The following MAP2K5 variants were observed in gnomAD, a reference collection of about 807,000 sequenced individuals.
The protein encoded by MAP2K5 is dual specificity mitogen-activated protein kinase kinase 5.
In MAP2K5, 49 loss-of-function variants were observed where a neutral mutation model predicts 83.1. The ratio of observed to expected loss-of-function variants is 0.59; its 90% CI spans 0.47 to 0.75. MAP2K5 has a LOEUF of 0.75. Ranked by LOEUF, MAP2K5 falls within the 30% of genes least tolerant of loss-of-function variation. MAP2K5 has a pLI of 0.00. For missense variants in MAP2K5, 457 were observed against 557.5 expected (o/e 0.82, Z 1.82); for synonymous variants, 202 against 191.8 (o/e 1.05, Z -0.44).
intron 19 of MAP2K5, among the ~76,000 whole-genome samples, chr15:67,752,279 C>T (rs552196867): frequency 6.6e-6 from 1 of 151,664 alleles, no homozygotes; most frequent in South Asian, 2.1e-4. Flanking sequence ...GTTGGCCAGG[C>T]TGTTCTCGAA....
At chr15:67,549,012 T>C in intron 1 of MAP2K5, 1 of 1,424,324 alleles carries the variant, frequency 7.0e-7, no homozygotes, top group Non-Finnish European at 9.1e-7. Context: ...TTGCAGCCAC[T>C]CTGCTAAGTG....
intron 13 of MAP2K5, among the ~76,000 whole-genome samples, chr15:67,673,348 G>C (rs1324721608): frequency 2.0e-5 from 3 of 152,104 alleles, no homozygotes; most frequent in Non-Finnish European, 2.9e-5. Context: ...GTTCAAAATA[G>C]TGTAGGCAGG....
chr15:67,795,806 G>A (rs2090595143), intron 21 of MAP2K5, among the ~76,000 whole-genome samples: 1 of 152,174 alleles, frequency 6.6e-6, no homozygotes, highest in Admixed American at 6.5e-5. Context: ...TTCTAAGAGA[G>A]GTATGCTAAA....
Position 67,600,691 on chromosome 15 carries a change from G to T in MAP2K5, c.487G>T (p.Glu163Ter). Residue 163 changes from glutamate to a stop codon, truncating the protein, a stop_gained, in exon 8 of 22, where the codon GAA becomes TAA. Transcript: ENST00000178640. LOFTEE classifies it high-confidence loss of function. ...KKILANGQMN[E>*]QDIRYRDTLG... is the part of the protein sequence containing the mutation. ...TTCTTTCTTTCTTGTGGAGATGAAT[G>T]AACAAGACATACGATATCGGGACAC... 6.2e-7 allele frequency: 1 copy of T among 1,608,108 alleles called. No homozygotes were observed. The highest frequency in any genetic ancestry group is 1.1e-5 in the South Asian group (1 of 90,360).
At position 67,748,282 on chromosome 15, in the gene MAP2K5, A is replaced by G. The variant is rs375946827; in HGVS notation, c.1101+25A>G. The G allele has an allele frequency of 2.4e-5, 38 of 1,589,852 alleles. No individual in the cohort carries two copies. The highest frequency in any genetic ancestry group is 3.4e-5 in the Admixed American group (2 of 59,456). ...GGTAAGCTTTATGAGTTCAGAAAAA[A>G]ATTCACTTTTCTTTTTCCTGATGGC... On this transcript the variant is annotated intron_variant, in intron 18 of 21. Coordinates refer to ENST00000178640, the MANE Select transcript of MAP2K5 (RefSeq NM_145160.3). The surrounding 1 kb of genome is among the most constrained non-coding windows in gnomAD (Gnocchi z 4.0).
chr15:67,569,752 G>T (rs1014396070), intron 3 of MAP2K5, among the ~76,000 whole-genome samples: 1 of 152,146 alleles, frequency 6.6e-6, no homozygotes, highest in Admixed American at 6.5e-5. Context: ...TGGCACCAGG[G>T]CACTCTGGGG....
intron 1 of MAP2K5, among the ~76,000 whole-genome samples, chr15:67,548,435 T>C (rs737226): frequency 0.43 from 65,583 of 152,184 alleles, 15,003 homozygotes; most frequent in Non-Finnish European, 0.51. Context: ...CTTTGTAATA[T>C]TCCAGTTATT....
At chr15:67,685,151 C>T (rs2087923062) in intron 13 of MAP2K5, among the ~76,000 whole-genome samples, 1 of 152,066 alleles carries the variant, frequency 6.6e-6, no homozygotes, top group African/African-American at 2.4e-5. Flanking sequence ...CAAAGCACAT[C>T]AAAATAAAAA....
At chr15:67,574,526 C>T (rs1222090957) in intron 3 of MAP2K5, among the ~76,000 whole-genome samples, 5 of 150,302 alleles carry the variant, frequency 3.3e-5, no homozygotes, top group African/African-American at 9.8e-5. Flanking sequence ...GAGCCAGGAT[C>T]GCACCATTGC....
Position 67,543,356 on chromosome 15 carries a change from C to T in MAP2K5, c.21C>T (p.Gly7=). 4 of 1,614,236 alleles carry T rather than the reference C, an allele frequency of 2.5e-6. No homozygotes were observed. Among genetic ancestry groups the T allele is most frequent in the Non-Finnish European group, 3.4e-6 (4 of 1,180,046 alleles). MLWLAL[G]PFPAMENQVL... is the part of the protein sequence containing the mutation. ...CTGTAATGCTGTGGCTAGCCCTTGG[C>T]CCCTTTCCTGCCATGGAGAACCAGG... Residue 7 remains glycine, a synonymous_variant, in exon 1 of 22, where the codon GGC becomes GGT. Transcript: ENST00000178640. This position sits in a 1 kb window ranked among gnomAD's most constrained non-coding sequence, Gnocchi z 4.3.
At chr15:67,787,142 C>A (rs952749076) in intron 21 of MAP2K5, among the ~76,000 whole-genome samples, 3 of 152,184 alleles carry the variant, frequency 2.0e-5, no homozygotes, top group African/African-American at 7.2e-5. Flanking sequence ...GCAGGCAGGG[C>A]GGACAACAGG....
intron 16 of MAP2K5, among the ~76,000 whole-genome samples, chr15:67,705,396 A>C (rs1051262562): frequency 1.3e-5 from 2 of 152,128 alleles, no homozygotes; most frequent in East Asian, 3.9e-4. Flanking sequence ...AGGGATAACT[A>C]AATATGTAAT....
chr15:67,598,678 C>T (rs571823331), intron 7 of MAP2K5, among the ~76,000 whole-genome samples: 34 of 152,190 alleles, frequency 2.2e-4, no homozygotes, highest in African/African-American at 7.7e-4. Context: ...AGAATTATAC[C>T]ATTTGAACAT....
intron 8 of MAP2K5, among the ~76,000 whole-genome samples, chr15:67,623,460 T>A (rs923381787): frequency 6.6e-6 from 1 of 152,192 alleles, no homozygotes; most frequent in Non-Finnish European, 1.5e-5. Context: ...GCCAGTTCTT[T>A]GTTGTTAAAG....
intron 21 of MAP2K5, among the ~76,000 whole-genome samples, chr15:67,805,464 G>A (rs2090784551): frequency 6.6e-6 from 1 of 152,248 alleles, no homozygotes; most frequent in African/African-American, 2.4e-5. Flanking sequence ...CTCGTGGCGA[G>A]GCCATGCGGC....
At chr15:67,641,418 C>G in intron 9 of MAP2K5, 8 of 842,964 alleles carry the variant, frequency 9.5e-6, no homozygotes, top group Non-Finnish European at 1.2e-5. Context: ...TTAATTTGAC[C>G]TGTGATTTTG....
At position 67,781,233 on chromosome 15, in the gene MAP2K5, A is replaced by C. The variant is rs375191942; in HGVS notation, c.1242+8481A>C. Among the ~76,000 whole-genome samples the C allele has an allele frequency of 6.6e-6, 1 of 152,352 alleles. No homozygotes were observed. The highest frequency in any genetic ancestry group is 2.4e-5 in the African/African-American group (1 of 41,582). On this transcript the variant is annotated intron_variant, in intron 21 of 21. Coordinates refer to ENST00000178640, the MANE Select transcript of MAP2K5 (RefSeq NM_145160.3). This position sits in a 1 kb window ranked among gnomAD's most constrained non-coding sequence, Gnocchi z 4.0. ...TGTTTTCCTGTGAGTACACACCGAT[A>C]AATAGATGCAGTTCTTATCAATTAT...
At chr15:67,653,889 T>C (rs1400497908) in intron 11 of MAP2K5, among the ~76,000 whole-genome samples, 2 of 152,174 alleles carry the variant, frequency 1.3e-5, no homozygotes, top group African/African-American at 4.8e-5. Flanking sequence ...TTCATTAATC[T>C]CAAAGTATTT....
chr15:67,590,514 C>A lies in MAP2K5; in HGVS notation c.432-2412C>A, dbSNP rs144483371. On this transcript the variant is annotated intron_variant, in intron 6 of 21. Coordinates refer to ENST00000178640, the MANE Select transcript of MAP2K5 (RefSeq NM_145160.3). ...GAGACAGGGTCTCATTGCTGTCACC[C>A]CCCCATTCTGGAGTGCACAATTACG... 2.1e-3 allele frequency among the ~76,000 whole-genome samples: 266 copies of A among 125,596 alleles called. 1 individual carries two copies. In the Middle Eastern group the frequency reaches 0.034, roughly 16 times the overall value. The allele number at this position is 125,596 out of a possible 152,430, so 82.4% of individuals were successfully genotyped here. A position where few individuals can be genotyped will look rare whatever the true frequency, so the allele number is the denominator to read the frequency against.
Sources: gnomAD v4.1 joint callset for allele counts (sites outside exome capture counted in the v4.1 genomes callset) on GRCh38, gnomAD v4.1.1 for gene constraint, Gnocchi (gnomAD v3.1) non-coding constraint, MANE v1.5 for transcripts, NCBI Gene and HGNC (gene_info 2026-07-23, HGNC 2026-07-21) for gene names.